Variants in KAZN observed in about 807,000 individuals in gnomAD.
KAZN encodes the protein kazrin.
In KAZN, 40 loss-of-function variants were observed where a neutral mutation model predicts 87.4. The observed-to-expected ratio is 0.46, with a 90% CI of 0.36 to 0.60. The LOEUF is 0.60. Ranked by LOEUF, KAZN falls within the 20% of genes least tolerant of loss-of-function variation. The pLI is 0.00. For synonymous variants in KAZN, 466 were observed against 458.3 expected (o/e 1.02, Z -0.22); for missense variants, 898 against 1,073.9 (o/e 0.84, Z 2.29).
intron 1 of KAZN, among the ~76,000 whole-genome samples, chr1:14,952,581 G>C (rs1397493215): frequency 6.6e-6 from 1 of 152,018 alleles, no homozygotes; most frequent in East Asian, 1.9e-4. Flanking sequence ...TGATATTTGG[G>C]CGTGAGGCTG....
chr1:14,012,816 G>A (rs528971649), intron 1 of KAZN, among the ~76,000 whole-genome samples: 2 of 152,166 alleles, frequency 1.3e-5, no homozygotes, highest in African/African-American at 4.8e-5. Context: ...ATGGCAAAGA[G>A]AGAACCTGTC....
intron 2 of KAZN, among the ~76,000 whole-genome samples, chr1:14,200,725 T>C (rs2100404174): frequency 6.6e-6 from 1 of 152,330 alleles, no homozygotes; most frequent in South Asian, 2.1e-4. Flanking sequence ...ATATTGTTTT[T>C]ACTGAATTTA....
chr1:14,808,096 T>A (rs1646280476), intron 1 of KAZN, among the ~76,000 whole-genome samples: 1 of 152,146 alleles, frequency 6.6e-6, no homozygotes, highest in Non-Finnish European at 1.5e-5. Flanking sequence ...TGGATAGAGT[T>A]GGCTCCAAGT....
At chr1:14,674,062 G>A (rs1352081258) in intron 1 of KAZN, among the ~76,000 whole-genome samples, 1 of 152,176 alleles carries the variant, frequency 6.6e-6, no homozygotes, top group Non-Finnish European at 1.5e-5. Flanking sequence ...TCTTATGCAT[G>A]GGGAAATGGA....
rs187396576 is a variant in KAZN, at chr1:14,869,971, A to G, written c.227-90713A>G. On this transcript the variant is annotated intron_variant, in intron 1 of 14. Transcript: ENST00000376030. The stretch of plus-strand genomic sequence containing the variant: ...CGGCATTACTTTGCCATTAATCCCA[A>G]GGTATCCGGGGAAAAATGACAGAGA... 1.7e-4 allele frequency among the ~76,000 whole-genome samples: 26 copies of G among 152,288 alleles called. No individual in the cohort carries two copies. The East Asian group carries it at 4.4e-3, about 26-fold the overall frequency.
intron 1 of KAZN, among the ~76,000 whole-genome samples, chr1:14,740,792 T>C (rs774660800): frequency 3.9e-5 from 6 of 152,218 alleles, no homozygotes; most frequent in Non-Finnish European, 7.3e-5. Context: ...TAGCCCTCCT[T>C]CTTGCCAGCC....
intron 2 of KAZN, among the ~76,000 whole-genome samples, chr1:14,567,408 AG>A (rs1183857312): frequency 6.6e-6 from 1 of 152,256 alleles, no homozygotes; most frequent in Non-Finnish European, 1.5e-5. Context: ...ATAATGAAAA[AG>A]TTTGAAGTAT....
At position 14,515,191 on chromosome 1, in the gene KAZN, C is replaced by T. The variant is rs575951024; in HGVS notation, c.250-83792C>T. 2.0e-5 allele frequency among the ~76,000 whole-genome samples: 3 copies of T among 152,266 alleles called. No homozygotes were observed. In the East Asian group the frequency reaches 5.8e-4, roughly 29 times the overall value. ...AAAATGAACATTTAATGACCTTGTG[C>T]TATCAACTCTCTCCTACATGATCTT... On this transcript the variant is annotated intron_variant, in intron 2 of 16. Coordinates refer to the KAZN transcript ENST00000636203.
rs542038883 is a variant in KAZN at position 14,556,113 on chromosome 1, CT to C, written c.250-42855del. Reference sequence around the variant, plus strand: ...TTCGGGAGAAGAGCAGTTCTTTTTACTTTTTTTTTTTTTTTCAGTCGGAGTC... The same window carrying C: ...TTCGGGAGAAGAGCAGTTCTTTTTACTTTTTTTTTTTTTTCAGTCGGAGTC... On this transcript the variant is annotated intron_variant, in intron 2 of 16. Coordinates refer to the KAZN transcript ENST00000636203. Among the ~76,000 whole-genome samples, 184 of 140,186 alleles carry C rather than the reference CT, an allele frequency of 1.3e-3. No individual in the cohort carries two copies. The East Asian group carries it at 0.014, about 11-fold the overall frequency. 92.0% of individuals were successfully genotyped at this position (140,186 alleles called of 152,430 possible). A position where few individuals can be genotyped will look rare whatever the true frequency, so the allele number is the denominator to read the frequency against.
At chr1:14,102,075 A>C (rs1047743833) in intron 1 of KAZN, among the ~76,000 whole-genome samples, 6 of 152,116 alleles carry the variant, frequency 3.9e-5, no homozygotes, top group African/African-American at 1.4e-4. Flanking sequence ...TGGTATTATC[A>C]AGTGGGATAT....
At chr1:14,593,557 T>C (rs947202146) in intron 2 of KAZN, among the ~76,000 whole-genome samples, 1 of 152,186 alleles carries the variant, frequency 6.6e-6, no homozygotes, top group Non-Finnish European at 1.5e-5. Context: ...CAGGATTGTT[T>C]TGGAAACCCC....
chr1:14,883,346 G>GAAAGA (rs1553150583), intron 1 of KAZN, among the ~76,000 whole-genome samples: 1 of 32,490 alleles, frequency 3.1e-5, no homozygotes, highest in Non-Finnish European at 6.4e-5. Context: ...GAGAGAGAAA[G>GAAAGA]AAAGAAAGAA....
At chr1:14,667,289 C>A (rs754137388) in intron 1 of KAZN, among the ~76,000 whole-genome samples, 1 of 152,164 alleles carries the variant, frequency 6.6e-6, no homozygotes. Flanking sequence ...ATCCTCAGAG[C>A]ACATGGTTTT....
rs1176356477 is a variant in KAZN, at chr1:15,066,138, G to A, written c.1222+385G>A. The A allele has an allele frequency of 2.8e-6, 3 of 1,061,400 alleles. No individual in the cohort carries two copies. The highest frequency in any genetic ancestry group is 3.3e-5 in the African/African-American group (2 of 60,058). 65.7% of individuals were successfully genotyped at this position (1,061,400 alleles called of 1,614,324 possible). ...TCTTTTTCTTTTTGTTTGGTTCGTC[G>A]GTTTGTTTTTGTTTTTGTTTTTTTC... On this transcript the variant is annotated intron_variant, in intron 8 of 14. Coordinates refer to ENST00000376030, the MANE Select transcript of KAZN (RefSeq NM_201628.3). This position sits in a 1 kb window ranked among gnomAD's most constrained non-coding sequence, Gnocchi z 4.3.
At chr1:14,025,847 A>G (rs1570557454) in intron 1 of KAZN, among the ~76,000 whole-genome samples, 1 of 152,144 alleles carries the variant, frequency 6.6e-6, no homozygotes, top group Non-Finnish European at 1.5e-5. Flanking sequence ...AACCACCTGC[A>G]TTATGGTTGC....
chr1:14,241,537 T>C (rs1648934236), intron 2 of KAZN, among the ~76,000 whole-genome samples: 1 of 152,254 alleles, frequency 6.6e-6, no homozygotes, highest in South Asian at 2.1e-4. Flanking sequence ...TAGTTGTTAA[T>C]GAAAGGACTT....
intron 1 of KAZN, among the ~76,000 whole-genome samples, chr1:14,637,111 A>G (rs1189345320): frequency 6.6e-6 from 1 of 152,126 alleles, no homozygotes; most frequent in Non-Finnish European, 1.5e-5. Context: ...TGGCCGTTGC[A>G]TATTCTCTCC....
intron 2 of KAZN, among the ~76,000 whole-genome samples, chr1:15,010,363 G>A (rs1409206673): frequency 1.3e-5 from 2 of 150,972 alleles, no homozygotes; most frequent in African/African-American, 2.4e-5. Flanking sequence ...CTCTCCAGGG[G>A]CACGTGCCAT....
At chr1:14,164,394 TA>T in intron 1 of KAZN, among the ~76,000 whole-genome samples, 2 of 152,164 alleles carry the variant, frequency 1.3e-5, no homozygotes, top group East Asian at 3.9e-4. Flanking sequence ...TGAATATCCT[TA>T]TGACATGGTG....
Sources: allele counts gnomAD v4.1 joint callset (sites outside exome capture counted in the v4.1 genomes callset), GRCh38; gene constraint gnomAD v4.1.1; non-coding constraint Gnocchi (gnomAD v3.1); transcripts MANE v1.5; gene names NCBI Gene and HGNC (gene_info 2026-07-23, HGNC 2026-07-21).